The following IGSF3 variants were observed in gnomAD, a reference collection of about 807,000 sequenced individuals.
IGSF3 encodes the protein immunoglobulin superfamily member 3, also known as glu-Trp-Ile EWI motif-containing protein 3.
Under a neutral mutation model 114.4 loss-of-function variants are expected in IGSF3, and 23 were observed. The ratio of observed to expected loss-of-function variants is 0.20; its 90% CI spans 0.14 to 0.28. IGSF3 has a LOEUF of 0.28. Ranked by LOEUF, IGSF3 falls within the 10% of genes least tolerant of loss-of-function variation. IGSF3 has a pLI of 1.00. For missense variants in IGSF3, 1,172 were observed against 1,591.5 expected (o/e 0.74, Z 4.48); for synonymous variants, 571 against 645.2 (o/e 0.88, Z 1.74).
In IGSF3 at chr1:116,624,096, C is replaced by CA. The variant is rs200178729; in HGVS notation, c.44-7640dup. 1.1e-3 allele frequency among the ~76,000 whole-genome samples: 158 copies of CA among 146,414 alleles called. 2 individuals carry two copies. The East Asian group carries it at 0.027, about 25-fold the overall frequency. ...AGAAAGACTCTATCTAAAAAAAAAACAAAAAAAAGGTCCCTGAGGATCCCT... is the reference window on the plus strand; with the variant it reads ...AGAAAGACTCTATCTAAAAAAAAAACAAAAAAAAAGGTCCCTGAGGATCCCT... On this transcript the variant is annotated intron_variant, in intron 2 of 10. Coordinates refer to ENST00000369486, the MANE Select transcript of IGSF3 (RefSeq NM_001007237.3). This position sits in a 1 kb window ranked among gnomAD's most constrained non-coding sequence, Gnocchi z 4.9.
intron 7 of IGSF3, among the ~76,000 whole-genome samples, chr1:116,599,219 T>C (rs936707463): frequency 6.6e-6 from 1 of 152,158 alleles, no homozygotes; most frequent in African/African-American, 2.4e-5. Flanking sequence ...AGGTGCCTAT[T>C]ACCCTCCCTC....
chr1:116,624,643 T>C lies in IGSF3; in HGVS notation c.44-8186A>G, dbSNP rs549313286. 7.2e-5 allele frequency among the ~76,000 whole-genome samples: 11 copies of C among 152,322 alleles called. No homozygotes were observed. The East Asian group carries it at 2.1e-3, about 29-fold the overall frequency. Reference sequence around the variant, plus strand: ...CACATGCTCTTTTGCAATGTGACCATGCCACACACTCCCATCAAGAGGTGG... The same window carrying C: ...CACATGCTCTTTTGCAATGTGACCACGCCACACACTCCCATCAAGAGGTGG... On this transcript the variant is annotated intron_variant, in intron 2 of 10. Coordinates refer to ENST00000369486, the MANE Select transcript of IGSF3 (RefSeq NM_001007237.3). This position sits in a 1 kb window ranked among gnomAD's most constrained non-coding sequence, Gnocchi z 4.9.
At position 116,584,273 on chromosome 1, in the gene IGSF3, C is replaced by T. The variant is rs1484010115; in HGVS notation, c.2848+372G>A. Among the ~76,000 whole-genome samples, 3 of 151,894 alleles carry T rather than the reference C, an allele frequency of 2.0e-5. No homozygotes were observed. Among genetic ancestry groups the T allele is most frequent in the Non-Finnish European group, 1.5e-5 (1 of 68,006 alleles). ...TGTTTTCTATTTAAAGCATGTAAAT[C>T]GATTACTTTCCACTGAAAATCCACA... On this transcript the variant is annotated intron_variant, in intron 9 of 10. Transcript: ENST00000369486. The surrounding 1 kb of genome is among the most constrained non-coding windows in gnomAD (Gnocchi z 5.8).
chr1:116,658,661 C>T (rs992974315), intron 2 of IGSF3, among the ~76,000 whole-genome samples: 2 of 152,178 alleles, frequency 1.3e-5, no homozygotes, highest in Admixed American at 6.5e-5. Flanking sequence ...TCCAACAGGA[C>T]GTCACTCTCC....
At chr1:116,660,688 C>T (rs1557889203) in intron 2 of IGSF3, among the ~76,000 whole-genome samples, 1 of 151,696 alleles carries the variant, frequency 6.6e-6, no homozygotes, top group African/African-American at 2.4e-5. Context: ...GTGATCCACC[C>T]ACCTTGGCCT....
At chr1:116,621,451 TGAACCTGC>T (rs1661413211) in intron 2 of IGSF3, among the ~76,000 whole-genome samples, 1 of 152,222 alleles carries the variant, frequency 6.6e-6, no homozygotes, top group Non-Finnish European at 1.5e-5. Context: ...CATGAGCCAC[TGAACCTGC>T]CCCTTTCCCC....
chr1:116,637,098 T>A (rs1647862605), intron 2 of IGSF3, among the ~76,000 whole-genome samples: 1 of 152,160 alleles, frequency 6.6e-6, no homozygotes, highest in African/African-American at 2.4e-5. Flanking sequence ...CTCTCTCCCA[T>A]CAACGAGTCC....
Position 116,592,099 on chromosome 1 carries a change from C to T in IGSF3, c.2030-2995G>A, listed in dbSNP as rs4044679. On this transcript the variant is annotated intron_variant, in intron 7 of 10. Coordinates refer to ENST00000369486, the MANE Select transcript of IGSF3 (RefSeq NM_001007237.3). This position sits in a 1 kb window ranked among gnomAD's most constrained non-coding sequence, Gnocchi z 4.5. ...ATCTTCCTGCTCAAAGTGCTGTTCT[C>T]GGACCAGCAGCACTGGGAGCTTGTT... Among the ~76,000 whole-genome samples, 19 of 152,246 alleles carry T rather than the reference C, an allele frequency of 1.2e-4. No individual in the cohort carries two copies. Among genetic ancestry groups the T allele is most frequent in the Admixed American group, 5.2e-4 (8 of 15,294 alleles).
In IGSF3 at chr1:116,615,308, A is replaced by ACG. The variant is rs1661176982; in HGVS notation, c.421+771_421+772insCG. Among the ~76,000 whole-genome samples, 1 of 147,538 alleles carries ACG rather than the reference A, an allele frequency of 6.8e-6. No homozygotes were observed. The highest frequency in any genetic ancestry group is 2.5e-5 in the African/African-American group (1 of 39,568). ...ACATACACACACACACACACACACGAAAAAAAAAAGGTCTCCTGCTGGGAC... is the reference window on the plus strand; with the variant it reads ...ACATACACACACACACACACACACGACGAAAAAAAAAGGTCTCCTGCTGGGAC... On this transcript the variant is annotated intron_variant, in intron 3 of 10. Transcript: ENST00000369486. This position sits in a 1 kb window ranked among gnomAD's most constrained non-coding sequence, Gnocchi z 4.3.
rs2101021436 is a variant in IGSF3 at position 116,618,844 on chromosome 1, A to G, written c.44-2387T>C. 6.6e-6 allele frequency among the ~76,000 whole-genome samples: 1 copy of G among 152,278 alleles called. No individual in the cohort carries two copies. Among genetic ancestry groups the G allele is most frequent in the Admixed American group, 6.5e-5 (1 of 15,288 alleles). ...CGGTGTTCTATGACAGCGCAACTACAACCAACCCCCATACATCTCCTGCAA... is the reference window on the plus strand; with the variant it reads ...CGGTGTTCTATGACAGCGCAACTACGACCAACCCCCATACATCTCCTGCAA... On this transcript the variant is annotated intron_variant, in intron 2 of 10. Transcript: ENST00000369486. The surrounding 1 kb of genome is among the most constrained non-coding windows in gnomAD (Gnocchi z 4.7).
At position 116,579,946 on chromosome 1, in the gene IGSF3, T is replaced by G; in HGVS notation, c.2849-69A>C. On this transcript the variant is annotated intron_variant, in intron 9 of 10. Transcript: ENST00000369486. The surrounding 1 kb of genome is among the most constrained non-coding windows in gnomAD (Gnocchi z 6.4). ...TTATTTGCTCAAAATAAACTAAATG[T>G]CCATCATTAAACACATGATAGTAAC... 7.4e-7 allele frequency: 1 copy of G among 1,348,332 alleles called. No individual in the cohort carries two copies. The highest frequency in any genetic ancestry group is 1.0e-6 in the Non-Finnish European group (1 of 997,562). 83.5% of individuals were successfully genotyped at this position (1,348,332 alleles called of 1,614,324 possible). A position where few individuals can be genotyped will look rare whatever the true frequency, so the allele number is the denominator to read the frequency against.
At position 116,624,563 on chromosome 1, in the gene IGSF3, C is replaced by T. The variant is rs1661519323; in HGVS notation, c.44-8106G>A. ...CTCTAGCTGTGGAACTAATTTCTCC[C>T]ACACACCGTGGCAGGTTGTATTCTC... On this transcript the variant is annotated intron_variant, in intron 2 of 10. Coordinates refer to ENST00000369486, the MANE Select transcript of IGSF3 (RefSeq NM_001007237.3). The surrounding 1 kb of genome is among the most constrained non-coding windows in gnomAD (Gnocchi z 4.9). 6.6e-6 allele frequency among the ~76,000 whole-genome samples: 1 copy of T among 152,226 alleles called. No individual in the cohort carries two copies. The highest frequency in any genetic ancestry group is 6.5e-5 in the Admixed American group (1 of 15,282).
chr1:116,597,898 G>T (rs988257196), intron 7 of IGSF3, among the ~76,000 whole-genome samples: 1 of 152,166 alleles, frequency 6.6e-6, no homozygotes, highest in Non-Finnish European at 1.5e-5. Context: ...GCAAAATAGG[G>T]ATACAAACAC....
chr1:116,614,390 C>T lies in IGSF3; in HGVS notation c.422-215G>A, dbSNP rs952083497. Among the ~76,000 whole-genome samples, 1 of 152,192 alleles carries T rather than the reference C, an allele frequency of 6.6e-6. No homozygotes were observed. The highest frequency in any genetic ancestry group is 2.1e-4 in the South Asian group (1 of 4,832). On this transcript the variant is annotated intron_variant, in intron 3 of 10. Transcript: ENST00000369486. The surrounding 1 kb of genome is among the most constrained non-coding windows in gnomAD (Gnocchi z 4.5). ...TGCATTATTTTGGTGCTTACACTTA[C>T]CTGTCTGGTATTTTAATAACACTTG...
Position 116,642,372 on chromosome 1 carries a change from C to T in IGSF3, c.43+23912G>A, listed in dbSNP as rs1261218313. 4.6e-5 allele frequency among the ~76,000 whole-genome samples: 7 copies of T among 152,062 alleles called. No homozygotes were observed. The highest frequency in any genetic ancestry group is 4.6e-4 in the Admixed American group (7 of 15,268). ...GTGAAACTGGAACTATGATGAATAA[C>T]ATTAGAATTCTGGATGCCTTCCAGC... On this transcript the variant is annotated intron_variant, in intron 2 of 10. Coordinates refer to ENST00000369486, the MANE Select transcript of IGSF3 (RefSeq NM_001007237.3). The surrounding 1 kb of genome is among the most constrained non-coding windows in gnomAD (Gnocchi z 5.4).
rs1310970804 is a variant in IGSF3, at chr1:116,613,965, G to C, written c.632C>G (p.Ala211Gly). The C allele has an allele frequency of 6.2e-7, 1 of 1,613,978 alleles. No individual in the cohort carries two copies. The highest frequency in any genetic ancestry group is 1.1e-5 in the South Asian group (1 of 91,080). The change falls in exon 4 of 11, where the codon GCC (alanine) becomes GGC (glycine). Residue 211 changes from alanine (A) to glycine (G), a missense_variant. By Grantham distance (60) the Ala-to-Gly change is moderately conservative. Coordinates refer to ENST00000369486, the MANE Select transcript of IGSF3 (RefSeq NM_001007237.3). ...CACCTCCCCCAGGCTCTGCCTCTGG[G>C]CATATTCGCTGCTGGAGTGAAGCAT... ...DFMLHSSSEY[A>G]QRQSLGEVRL... is the part of the protein sequence containing the mutation.
At chr1:116,609,421 G>T (rs1441431806) in intron 4 of IGSF3, among the ~76,000 whole-genome samples, 1 of 151,888 alleles carries the variant, frequency 6.6e-6, no homozygotes, top group African/African-American at 2.4e-5. Context: ...TGCTTAACCA[G>T]GCATGAGGGG....
rs1464066838 is a variant in IGSF3, at chr1:116,656,958, T to C, written c.43+9326A>G. Among the ~76,000 whole-genome samples, 7 of 152,192 alleles carry C rather than the reference T, an allele frequency of 4.6e-5. No homozygotes were observed. In the East Asian group the frequency reaches 1.4e-3, roughly 29 times the overall value. ...TGAATGAATGAATTAATTAATTAAT[T>C]AAAGCAAACAAATATAAGCTACCTC... On this transcript the variant is annotated intron_variant, in intron 2 of 10. Transcript: ENST00000369486.
In IGSF3 at chr1:116,574,713, G is replaced by T. The variant is rs1659265928; in HGVS notation, c.*2599C>A. On this transcript the variant is annotated 3_prime_UTR_variant, in exon 11 of 11. Coordinates refer to ENST00000369486, the MANE Select transcript of IGSF3 (RefSeq NM_001007237.3). This position sits in a 1 kb window ranked among gnomAD's most constrained non-coding sequence, Gnocchi z 5.2. ...TAAATGCAACATTGTAGACATAGAT[G>T]AATCCAGAGTATTCAGCAGTTTTCC... 1 of 152,586 alleles carries T rather than the reference G, an allele frequency of 6.6e-6. No homozygotes were observed. Among genetic ancestry groups the T allele is most frequent in the Admixed American group, 6.5e-5 (1 of 15,274 alleles). 9.5% of individuals were successfully genotyped at this position (152,586 alleles called of 1,614,324 possible).
Sources: gnomAD v4.1 joint callset for allele counts (sites outside exome capture counted in the v4.1 genomes callset) on GRCh38, gnomAD v4.1.1 for gene constraint, Gnocchi (gnomAD v3.1) non-coding constraint, MANE v1.5 for transcripts, NCBI Gene and HGNC (gene_info 2026-07-23, HGNC 2026-07-21) for gene names.